Variants in ST8SIA1 observed in about 807,000 individuals in gnomAD.
ST8SIA1 encodes the protein ST8 alpha-N-acetyl-neuraminide alpha-2,8-sialyltransferase 1.
ST8SIA1 carries 16 observed loss-of-function variants against 35.9 expected under a neutral mutation model. That is an observed-to-expected ratio of 0.45 (90% CI 0.30 to 0.68). The LOEUF (loss-of-function observed/expected upper bound fraction) is 0.68, where lower values mean the gene tolerates loss of function less well. Ranked by LOEUF, ST8SIA1 falls within the 30% of genes least tolerant of loss-of-function variation. ST8SIA1 has a pLI of 0.09. For synonymous variants in ST8SIA1, 170 were observed against 169.6 expected (o/e 1.00, Z -0.02); for missense variants, 383 against 453.6 (o/e 0.84, Z 1.41).
At chr12:22,271,330 T>G (rs1865909617) in intron 2 of ST8SIA1, among the ~76,000 whole-genome samples, 1 of 152,204 alleles carries the variant, frequency 6.6e-6, no homozygotes, top group Non-Finnish European at 1.5e-5. Flanking sequence ...ACAACTTAAT[T>G]GAGGAAAACT....
rs1419722482 is a variant in ST8SIA1, at chr12:22,193,544, C to G, written c.*8008G>C. On this transcript the variant is annotated 3_prime_UTR_variant, in exon 5 of 5. Transcript: ENST00000396037. ...ACATGTTTTTACAGCAAACCTCCTC[C>G]TATGACATTGCATTTAGATTCGGTG... The G allele has an allele frequency of 1.3e-5, 2 of 152,178 alleles. No individual in the cohort carries two copies. The highest frequency in any genetic ancestry group is 2.9e-5 in the Non-Finnish European group (2 of 68,018). The allele number at this position is 152,178 out of a possible 1,614,324, so 9.4% of individuals were successfully genotyped here.
At chr12:22,303,488 A>C (rs1565591270) in intron 1 of ST8SIA1, among the ~76,000 whole-genome samples, 1 of 152,154 alleles carries the variant, frequency 6.6e-6, no homozygotes, top group Admixed American at 6.6e-5. Context: ...AGCAGTCTTC[A>C]GCCTGAGACC....
intron 3 of ST8SIA1, among the ~76,000 whole-genome samples, chr12:22,251,324 A>G (rs1865667364): frequency 6.6e-6 from 1 of 152,170 alleles, no homozygotes; most frequent in Non-Finnish European, 1.5e-5. Context: ...TCCATGGCTC[A>G]TGTGTCTGGG....
chr12:22,229,615 C>CAA (rs11290260), intron 4 of ST8SIA1, among the ~76,000 whole-genome samples: 7 of 93,724 alleles, frequency 7.5e-5, no homozygotes, highest in Admixed American at 1.1e-4. Flanking sequence ...GACCGGGTTT[C>CAA]AAAAAAAAAA....
In ST8SIA1 at chr12:22,326,187, G is replaced by C. The variant is rs74669263; in HGVS notation, c.236+7810C>G. The C allele has an allele frequency of 5.9e-3, 1,929 of 324,468 alleles. 37 individuals are homozygous for C. Among genetic ancestry groups the C allele is most frequent in the African/African-American group, 0.039 (1,797 of 46,320 alleles). 20.1% of individuals were successfully genotyped at this position (324,468 alleles called of 1,614,324 possible). On this transcript the variant is annotated intron_variant, in intron 1 of 4. Coordinates refer to ENST00000396037, the MANE Select transcript of ST8SIA1 (RefSeq NM_003034.4). ...TTAACAAATCAGGGACCACGTTCTTGTATTCATCACTGTATTGCCAGCACC... is the reference window on the plus strand; with the variant it reads ...TTAACAAATCAGGGACCACGTTCTTCTATTCATCACTGTATTGCCAGCACC...
chr12:22,263,935 T>A (rs768174988), intron 2 of ST8SIA1, among the ~76,000 whole-genome samples: 1 of 152,216 alleles, frequency 6.6e-6, no homozygotes, highest in Non-Finnish European at 1.5e-5. Flanking sequence ...TCAGTCATGA[T>A]GTCAAAACAT....
chr12:22,261,287 G>C (rs534901186), intron 2 of ST8SIA1, among the ~76,000 whole-genome samples: 1 of 152,206 alleles, frequency 6.6e-6, no homozygotes, highest in African/African-American at 2.4e-5. Flanking sequence ...TGGGATTACA[G>C]GTGCCCGCCA....
At chr12:22,265,593 T>A (rs1278190672) in intron 2 of ST8SIA1, among the ~76,000 whole-genome samples, 2 of 152,194 alleles carry the variant, frequency 1.3e-5, no homozygotes, top group African/African-American at 4.8e-5. Flanking sequence ...ATGACTTATG[T>A]CTGGCACAAG....
chr12:22,310,287 G>A (rs528224953), intron 1 of ST8SIA1, among the ~76,000 whole-genome samples: 140 of 152,278 alleles, frequency 9.2e-4, no homozygotes, highest in Admixed American at 2.8e-3. Flanking sequence ...GAGAAGGAAG[G>A]CAAGAGAGTT....
At chr12:22,266,221 G>A (rs1865846579) in intron 2 of ST8SIA1, among the ~76,000 whole-genome samples, 9 of 151,654 alleles carry the variant, frequency 5.9e-5, no homozygotes, top group Admixed American at 5.9e-4. Context: ...CAGGTACAGT[G>A]TCCAATAAAA....
intron 2 of ST8SIA1, among the ~76,000 whole-genome samples, chr12:22,258,979 G>A (rs1473688790): frequency 6.6e-6 from 1 of 152,146 alleles, no homozygotes; most frequent in Admixed American, 6.5e-5. Flanking sequence ...CCTGGAAGGG[G>A]TCTAACCTCA....
At chr12:22,216,278 G>C (rs1865232924) in intron 4 of ST8SIA1, among the ~76,000 whole-genome samples, 1 of 152,066 alleles carries the variant, frequency 6.6e-6, no homozygotes, top group South Asian at 2.1e-4. Flanking sequence ...TTCTTCAAGG[G>C]CTTCTCCTCA....
At chr12:22,306,022 A>T (rs912143305) in intron 1 of ST8SIA1, among the ~76,000 whole-genome samples, 1 of 152,202 alleles carries the variant, frequency 6.6e-6, no homozygotes, top group Admixed American at 6.5e-5. Flanking sequence ...AAGTCCAGGA[A>T]TGAACAAAGA....
intron 4 of ST8SIA1, among the ~76,000 whole-genome samples, chr12:22,237,372 G>A (rs1865487205): frequency 6.6e-6 from 1 of 152,094 alleles, no homozygotes; most frequent in African/African-American, 2.4e-5. Flanking sequence ...CCAAAGAGCT[G>A]GGATTGCAGG....
At chr12:22,256,871 C>T (rs188273126) in intron 2 of ST8SIA1, among the ~76,000 whole-genome samples, 8 of 152,234 alleles carry the variant, frequency 5.3e-5, no homozygotes, top group Admixed American at 1.3e-4. Context: ...AGAGAAGAGA[C>T]GGGCAAGAAA....
intron 4 of ST8SIA1, among the ~76,000 whole-genome samples, chr12:22,238,811 A>T (rs184408388): frequency 6.6e-6 from 1 of 152,288 alleles, no homozygotes; most frequent in Admixed American, 6.5e-5. Context: ...AGATTTATTG[A>T]TATGTTTAGC....
intron 1 of ST8SIA1, among the ~76,000 whole-genome samples, chr12:22,327,866 A>C (rs906654979): frequency 2.0e-5 from 3 of 152,124 alleles, no homozygotes; most frequent in Non-Finnish European, 4.4e-5. Flanking sequence ...TTCTCTAAAC[A>C]GTCAAAGCAT....
intron 1 of ST8SIA1, among the ~76,000 whole-genome samples, chr12:22,323,632 A>G (rs992615729): frequency 4.6e-5 from 7 of 152,244 alleles, no homozygotes; most frequent in African/African-American, 1.7e-4. Flanking sequence ...CAGACTGGAT[A>G]AAGAAAATGT....
chr12:22,215,319 C>A (rs995335801), intron 4 of ST8SIA1, among the ~76,000 whole-genome samples: 1 of 152,198 alleles, frequency 6.6e-6, no homozygotes, highest in African/African-American at 2.4e-5. Flanking sequence ...TTCATTCACA[C>A]TCCTAGCAAT....
Sources: gnomAD v4.1 joint callset for allele counts (sites outside exome capture counted in the v4.1 genomes callset) on GRCh38, gnomAD v4.1.1 for gene constraint, MANE v1.5 for transcripts, NCBI Gene and HGNC (gene_info 2026-07-23, HGNC 2026-07-21) for gene names.